MICU3: variants seen among roughly 807,000 people sequenced by gnomAD.
MICU3 encodes the protein mitochondrial calcium uptake 3.
MICU3 carries 62 observed loss-of-function variants against 66.5 expected under a neutral mutation model. That is an observed-to-expected ratio of 0.93 (90% CI 0.76 to 1.15). MICU3 has a LOEUF of 1.15. Ranked by LOEUF, MICU3 falls within the 50% of genes most tolerant of loss-of-function variation. The pLI is 0.00. For missense variants in MICU3, 779 were observed against 664.4 expected, an observed-to-expected ratio of 1.17 and a Z score of -1.90; for synonymous variants, 308 against 240.7, an observed-to-expected ratio of 1.28 and a Z score of -2.59.
rs1818317109 is a variant in MICU3 at position 17,064,174 on chromosome 8, G to A, written c.472G>A (p.Glu158Lys). 5 of 1,613,224 alleles carry A rather than the reference G, an allele frequency of 3.1e-6. No homozygotes were observed. Among genetic ancestry groups the A allele is most frequent in the Non-Finnish European group, 4.2e-6 (5 of 1,179,420 alleles). Residue 158 changes from glutamate to lysine, a missense_variant, in exon 2 of 15, where the codon GAA becomes AAA. By Grantham distance (56) the Glu-to-Lys change is moderately conservative. Coordinates refer to ENST00000318063, the MANE Select transcript of MICU3 (RefSeq NM_181723.3). ...TCGTTTATTTGCTTCTATAGAATGT[G>A]AAGGGCAGTTATTCATGACTCCGTA... ...RFRLFASIEC[E>K]GQLFMTPYDF...
chr8:17,123,410 G>A (rs573876211), downstream of MICU3, among the ~76,000 whole-genome samples: 2 of 152,226 alleles, frequency 1.3e-5, no homozygotes, highest in Admixed American at 6.5e-5. Flanking sequence ...TAAGAGAATG[G>A]AGAGGGATCT....
At position 17,031,340 on chromosome 8, in the gene MICU3, T is replaced by C. The variant is rs1413394965; in HGVS notation, c.381+3680T>C. ...CATCGCTCTATCGCTCAGGCTGGAC[T>C]GCAGGGGTGTGATCTCAGTCACTGG... On this transcript the variant is annotated intron_variant, in intron 1 of 14. Coordinates refer to ENST00000318063, the MANE Select transcript of MICU3 (RefSeq NM_181723.3). 2.0e-5 allele frequency among the ~76,000 whole-genome samples: 3 copies of C among 151,030 alleles called. No individual in the cohort carries two copies. The East Asian group carries it at 5.8e-4, about 29-fold the overall frequency.
chr8:17,131,896 G>A, the MICU3 span: 1 of 152,138 alleles, frequency 6.6e-6, no homozygotes, highest in African/African-American at 2.4e-5. Flanking sequence ...TGAATTTGGA[G>A]CTAAGAGGAA....
At chr8:17,040,346 C>G (rs1193494443) in intron 1 of MICU3, among the ~76,000 whole-genome samples, 6 of 152,096 alleles carry the variant, frequency 3.9e-5, no homozygotes, top group African/African-American at 1.4e-4. Flanking sequence ...AATTAAAAAT[C>G]CAGAAATAAA....
chr8:17,053,682 G>C (rs1255169611), intron 1 of MICU3, among the ~76,000 whole-genome samples: 1 of 152,008 alleles, frequency 6.6e-6, no homozygotes, highest in Non-Finnish European at 1.5e-5. Context: ...TACCTAAAAA[G>C]AATTATTACT....
chr8:17,059,039 C>T (rs1817420795), intron 1 of MICU3, among the ~76,000 whole-genome samples: 1 of 152,176 alleles, frequency 6.6e-6, no homozygotes, highest in Admixed American at 6.5e-5. Context: ...AATAGGCACA[C>T]AGCAAGTACC....
the MICU3 span, among the ~76,000 whole-genome samples, chr8:17,136,672 C>T: frequency 6.6e-6 from 1 of 152,094 alleles, no homozygotes; most frequent in South Asian, 2.1e-4. Context: ...AGTCTTCATC[C>T]CCCAACAGCG....
intron 2 of MICU3, among the ~76,000 whole-genome samples, chr8:17,065,344 G>T (rs141008366): frequency 6.6e-6 from 1 of 152,168 alleles, no homozygotes; most frequent in African/African-American, 2.4e-5. Context: ...TGATTCTTTG[G>T]ATTATTTCCA....
chr8:17,057,823 T>TTTG (rs1229534284), intron 1 of MICU3, among the ~76,000 whole-genome samples: 11 of 151,212 alleles, frequency 7.3e-5, no homozygotes, highest in East Asian at 4.1e-4. Flanking sequence ...TTTTTCGTTT[T>TTTG]TTGTTGTTGT....
In MICU3 at chr8:17,060,532, G is replaced by C. The variant is rs967369662; in HGVS notation, c.382-3552G>C. On this transcript the variant is annotated intron_variant, in intron 1 of 14. Transcript: ENST00000318063. ...TCACCATGTTGGCCAGGCTGGTCTC[G>C]AACTCCTGACCTCAAGTGATCCGCC... 2.0e-5 allele frequency among the ~76,000 whole-genome samples: 3 copies of C among 152,164 alleles called. No individual in the cohort carries two copies. The South Asian group carries it at 6.2e-4, about 32-fold the overall frequency.
chr8:17,125,902 C>T (rs995506333), downstream of MICU3, among the ~76,000 whole-genome samples: 10 of 151,686 alleles, frequency 6.6e-5, 1 homozygote, highest in Admixed American at 2.0e-4. Flanking sequence ...TGGTGGTGCA[C>T]GCCTGTAGTC....
At chr8:17,124,967 G>A (rs977688551), downstream of MICU3, among the ~76,000 whole-genome samples, 1 of 151,914 alleles carries the variant, frequency 6.6e-6, no homozygotes, top group Admixed American at 6.6e-5. Flanking sequence ...TCTTTTGCTT[G>A]ATGTTTGTGC....
At chr8:17,049,581 A>G (rs749056179) in intron 1 of MICU3, 2 of 518,350 alleles carry the variant, frequency 3.9e-6, no homozygotes, top group South Asian at 2.8e-5. Flanking sequence ...TCCCAAGGTA[A>G]CCTAACTAGG....
At chr8:17,124,136 AT>A (rs1803341693), downstream of MICU3, among the ~76,000 whole-genome samples, 1 of 152,038 alleles carries the variant, frequency 6.6e-6, no homozygotes, top group African/African-American at 2.4e-5. Flanking sequence ...GAAAAGAAGG[AT>A]TTGTCTCCCT....
chr8:17,038,296 G>C (rs2689626), intron 1 of MICU3, among the ~76,000 whole-genome samples: 1 of 152,104 alleles, frequency 6.6e-6, no homozygotes, highest in Admixed American at 6.5e-5. Context: ...CGTGGGGGTG[G>C]GTTTTTCCCA....
chr8:17,105,879 T>G (rs1801697448), intron 11 of MICU3, among the ~76,000 whole-genome samples: 1 of 152,080 alleles, frequency 6.6e-6, no homozygotes, highest in Admixed American at 6.6e-5. Context: ...GCTCTATGCT[T>G]TGACTACTAC....
intron 11 of MICU3, among the ~76,000 whole-genome samples, chr8:17,107,106 G>A (rs1008947779): frequency 1.3e-5 from 2 of 152,264 alleles, no homozygotes; most frequent in Middle Eastern, 3.4e-3. Flanking sequence ...TGGGGTTAAA[G>A]TGGCAACATA....
chr8:17,109,448 A>G (rs1428787279), intron 11 of MICU3, among the ~76,000 whole-genome samples: 1 of 152,168 alleles, frequency 6.6e-6, no homozygotes, highest in Non-Finnish European at 1.5e-5. Flanking sequence ...TAAGTCACTG[A>G]TCAAATATAT....
intron 1 of MICU3, among the ~76,000 whole-genome samples, chr8:17,047,886 A>C (rs1815360489): frequency 6.6e-6 from 1 of 152,218 alleles, no homozygotes. Flanking sequence ...AGAACAAAGA[A>C]ATTAGTAAAA....
Sources: allele counts gnomAD v4.1 joint callset (sites outside exome capture counted in the v4.1 genomes callset), GRCh38; gene constraint gnomAD v4.1.1; transcripts MANE v1.5; gene names NCBI Gene and HGNC (gene_info 2026-07-23, HGNC 2026-07-21).